Variants in RSRC1 observed in about 807,000 individuals in gnomAD.
The protein encoded by RSRC1 is arginine and serine rich coiled-coil 1, also known as serine/Arginine-related protein 53.
A neutral mutation model predicts 49.1 loss-of-function variants in RSRC1; 39 were observed. The ratio of observed to expected loss-of-function variants is 0.79; its 90% confidence interval spans 0.61 to 1.04. The LOEUF (loss-of-function observed/expected upper bound fraction) is 1.04, where lower values mean the gene tolerates loss of function less well. Among genes scored for constraint, RSRC1 ranks in the 50% least tolerant of loss-of-function variants. RSRC1 has a pLI of 0.00. For missense variants in RSRC1, 388 were observed against 402.4 expected (o/e 0.96, Z 0.31); for synonymous variants, 143 against 130.8 (o/e 1.09, Z -0.63).
chr3:158,150,481 ATAT>A (rs1201492744), intron 3 of RSRC1, among the ~76,000 whole-genome samples: 2 of 152,184 alleles, frequency 1.3e-5, no homozygotes, highest in African/African-American at 2.4e-5. Flanking sequence ...AAATATAGTA[ATAT>A]TATTTGCTAA....
chr3:158,131,828 TAATG>T (rs1454818488), intron 3 of RSRC1, among the ~76,000 whole-genome samples: 2 of 152,170 alleles, frequency 1.3e-5, no homozygotes, highest in Non-Finnish European at 2.9e-5. Flanking sequence ...TTTTTGTTAA[TAATG>T]TATTAGAACA....
At chr3:158,188,197 T>C (rs1255187135) in intron 3 of RSRC1, among the ~76,000 whole-genome samples, 1 of 151,930 alleles carries the variant, frequency 6.6e-6, no homozygotes, top group Non-Finnish European at 1.5e-5. Flanking sequence ...TCTCCCCCTG[T>C]GTGATATTTA....
intron 6 of RSRC1, among the ~76,000 whole-genome samples, chr3:158,429,158 T>C (rs967190008): frequency 2.1e-4 from 32 of 151,984 alleles, no homozygotes; most frequent in Admixed American, 2.1e-3. Context: ...ATAATTTTAT[T>C]ATTCATCCAA....
At chr3:158,314,237 C>A (rs916308501) in intron 5 of RSRC1, among the ~76,000 whole-genome samples, 2 of 151,974 alleles carry the variant, frequency 1.3e-5, no homozygotes, top group Non-Finnish European at 2.9e-5. Flanking sequence ...ATTACAGGTG[C>A]CTGCCACCAC....
chr3:158,222,188 G>A (rs1044632611), intron 4 of RSRC1, among the ~76,000 whole-genome samples: 1 of 151,422 alleles, frequency 6.6e-6, no homozygotes, highest in African/African-American at 2.4e-5. Context: ...ATAATTGTGG[G>A]GGACTATGCT....
chr3:158,195,808 A>G (rs981934935), intron 3 of RSRC1, among the ~76,000 whole-genome samples: 7 of 152,106 alleles, frequency 4.6e-5, no homozygotes, highest in African/African-American at 1.7e-4. Flanking sequence ...AGATAGTTGT[A>G]GATATGTGGC....
chr3:158,399,945 T>C (rs943727880), intron 6 of RSRC1, among the ~76,000 whole-genome samples: 1 of 152,050 alleles, frequency 6.6e-6, no homozygotes, highest in Admixed American at 6.6e-5. Context: ...AAAAATAGAG[T>C]AAGAAAGAAC....
chr3:158,160,748 C>T (rs1326736242), intron 3 of RSRC1, among the ~76,000 whole-genome samples: 1 of 152,132 alleles, frequency 6.6e-6, no homozygotes, highest in Non-Finnish European at 1.5e-5. Flanking sequence ...AATAGCTTGA[C>T]TTCAAGAAGA....
At chr3:158,378,796 C>T (rs73017454) in intron 6 of RSRC1, among the ~76,000 whole-genome samples, 8,515 of 152,244 alleles carry the variant, frequency 0.056, 813 homozygotes, top group African/African-American at 0.2. Flanking sequence ...CTCAGCAATT[C>T]AGCCATGTCT....
chr3:158,121,303 AATAT>A (rs941786987), intron 1 of RSRC1, among the ~76,000 whole-genome samples: 2 of 152,074 alleles, frequency 1.3e-5, no homozygotes, highest in African/African-American at 2.4e-5. Flanking sequence ...TGTGGATATA[AATAT>A]ATATGTTTGT....
chr3:158,130,003 C>G (rs554620555), intron 3 of RSRC1, among the ~76,000 whole-genome samples: 3 of 152,270 alleles, frequency 2.0e-5, no homozygotes, highest in Admixed American at 6.5e-5. Flanking sequence ...GCAGCTGTGA[C>G]AAGATACTGT....
At chr3:158,241,403 T>C (rs2107993275) in intron 4 of RSRC1, among the ~76,000 whole-genome samples, 1 of 152,112 alleles carries the variant, frequency 6.6e-6, no homozygotes, top group East Asian at 1.9e-4. Flanking sequence ...GAGCTGAGAT[T>C]ATGCTACTGC....
intron 3 of RSRC1, among the ~76,000 whole-genome samples, chr3:158,157,878 G>A (rs1717976617): frequency 6.6e-6 from 1 of 151,966 alleles, no homozygotes; most frequent in South Asian, 2.1e-4. Context: ...TCACACCATT[G>A]CACCCCACCC....
At chr3:158,122,902 T>C (rs898581692) in intron 2 of RSRC1, among the ~76,000 whole-genome samples, 3 of 152,206 alleles carry the variant, frequency 2.0e-5, no homozygotes, top group African/African-American at 7.2e-5. Flanking sequence ...CTACAAAGGA[T>C]GTGAACTCAT....
intron 7 of RSRC1, among the ~76,000 whole-genome samples, chr3:158,494,542 G>C (rs539024491): frequency 1.5e-4 from 23 of 152,142 alleles, no homozygotes; most frequent in African/African-American, 5.3e-4. Flanking sequence ...TTAGCTTACT[G>C]TAACTTTTTT....
chr3:158,506,662 G>A (rs981591382), intron 7 of RSRC1, among the ~76,000 whole-genome samples: 15 of 151,476 alleles, frequency 9.9e-5, no homozygotes, highest in African/African-American at 3.6e-4. Context: ...TTACTGAAAA[G>A]ACAAAAATTA....
At chr3:158,504,579 G>A (rs558384192) in intron 7 of RSRC1, among the ~76,000 whole-genome samples, 2 of 152,250 alleles carry the variant, frequency 1.3e-5, no homozygotes, top group South Asian at 4.1e-4. Flanking sequence ...GTACTGAGTG[G>A]TCTACTTACT....
At position 158,157,789 on chromosome 3, in the gene RSRC1, C is replaced by T. The variant is rs555351208; in HGVS notation, c.320+33798C>T. On this transcript the variant is annotated intron_variant, in intron 3 of 9. Transcript: ENST00000611884. ...AATTAGCCGGGCATGGTGGCACATG[C>T]CTGTAATCCCAGCTACTCGGGAGGC... 1.6e-4 allele frequency among the ~76,000 whole-genome samples: 25 copies of T among 152,178 alleles called. No individual in the cohort carries two copies. In the East Asian group the frequency reaches 2.9e-3, roughly 18 times the overall value.
intron 7 of RSRC1, among the ~76,000 whole-genome samples, chr3:158,499,238 G>A (rs181033849): frequency 1.2e-4 from 19 of 152,096 alleles, no homozygotes; most frequent in Admixed American, 9.2e-4. Flanking sequence ...TTAGCCAGGC[G>A]TGGTGGCACG....
Sources: gnomAD v4.1 joint callset for allele counts (sites outside exome capture counted in the v4.1 genomes callset) on GRCh38, gnomAD v4.1.1 for gene constraint, MANE v1.5 for transcripts, NCBI Gene and HGNC (gene_info 2026-07-23, HGNC 2026-07-21) for gene names.